The following STAG1 variants were observed in gnomAD, a reference collection of about 807,000 sequenced individuals.
STAG1 encodes the protein cohesin subunit SA-1.
STAG1 carries 26 observed loss-of-function variants against 170.9 expected under a neutral mutation model. That is an observed-to-expected ratio of 0.15 (90% CI 0.11 to 0.21). STAG1 has a LOEUF of 0.21. Among genes scored for constraint, STAG1 ranks in the 10% least tolerant of loss-of-function variants. The probability of loss-of-function intolerance (pLI) is 1.00; values close to 1 mark genes in which losing one functional copy is unlikely to be tolerated. For missense variants in STAG1, 964 were observed against 1,509.5 expected (o/e 0.64, Z 5.99); for synonymous variants, 514 against 497.7 (o/e 1.03, Z -0.44).
chr3:136,384,759 C>T (rs553291514), intron 22 of STAG1, among the ~76,000 whole-genome samples: 7 of 148,418 alleles, frequency 4.7e-5, no homozygotes, highest in African/African-American at 1.5e-4. Context: ...CAGAGTGAGA[C>T]TCCATTTCAA....
At chr3:136,402,759 G>A (rs555415877) in intron 21 of STAG1, among the ~76,000 whole-genome samples, 11 of 151,840 alleles carry the variant, frequency 7.2e-5, no homozygotes, top group East Asian at 5.9e-4. Context: ...CCCAGGAGGA[G>A]AAGGTTGCAG....
intron 1 of STAG1, among the ~76,000 whole-genome samples, chr3:136,706,989 G>C (rs1050314826): frequency 7.2e-5 from 11 of 152,188 alleles, no homozygotes; most frequent in Non-Finnish European, 1.3e-4. Flanking sequence ...TTGGGATAAT[G>C]TGATACCCAC....
chr3:136,639,929 ACTTCC>A (rs1193469343), intron 1 of STAG1, among the ~76,000 whole-genome samples: 1 of 152,176 alleles, frequency 6.6e-6, no homozygotes, highest in African/African-American at 2.4e-5. Flanking sequence ...ACTAAATGAA[ACTTCC>A]CATAAACACT....
intron 13 of STAG1, among the ~76,000 whole-genome samples, chr3:136,453,319 C>T (rs539593779): frequency 5.3e-4 from 80 of 152,162 alleles, no homozygotes; most frequent in Non-Finnish European, 3.4e-4. Flanking sequence ...TGGCCGGGCA[C>T]GGTGGCTCAC....
At chr3:136,505,448 T>C (rs534919647) in intron 7 of STAG1, among the ~76,000 whole-genome samples, 2 of 152,342 alleles carry the variant, frequency 1.3e-5, no homozygotes, top group South Asian at 2.1e-4. Context: ...TATAGCAATC[T>C]GACAATTTAA....
intron 3 of STAG1, among the ~76,000 whole-genome samples, 197 bp downstream of exon 3, chr3:136,622,949 C>T (rs550063673): frequency 4.9e-4 from 75 of 152,258 alleles, no homozygotes; most frequent in Non-Finnish European, 3.2e-4. Flanking sequence ...AGAAGGAGGG[C>T]AACAAAATCA....
In STAG1 at chr3:136,359,294, T is replaced by C. The variant is rs1418287653; in HGVS notation, c.2790A>G (p.Leu930=). 2.6e-6 allele frequency: 4 copies of C among 1,563,894 alleles called. No homozygotes were observed. Among genetic ancestry groups the C allele is most frequent in the African/African-American group, 1.4e-5 (1 of 72,890 alleles). ...AKTLILSLQQ[L]FNELVQEQGP... is the part of the protein sequence containing the mutation. The stretch of plus-strand genomic sequence containing the variant: ...CTTGCTCTTGAACAAGTTCATTAAA[T>C]AACTGATAGAAAGAAAAAAAGAAGA... The change falls in exon 27 of 34, where the codon TTA becomes TTG. Residue 930 remains leucine (L), a splice_region_variant and synonymous_variant. Transcript: ENST00000383202.
chr3:136,687,432 G>T (rs1004524607), intron 1 of STAG1, among the ~76,000 whole-genome samples: 1 of 151,728 alleles, frequency 6.6e-6, no homozygotes, highest in African/African-American at 2.4e-5. Flanking sequence ...TACATAATTT[G>T]AATTTAATTT....
chr3:136,479,546 ATG>A (rs2089867519), intron 9 of STAG1, among the ~76,000 whole-genome samples: 1 of 63,808 alleles, frequency 1.6e-5, no homozygotes, highest in Non-Finnish European at 3.5e-5. Flanking sequence ...ATACGTGTGC[ATG>A]TGTCTTTATA....
intron 26 of STAG1, among the ~76,000 whole-genome samples, chr3:136,360,949 G>GT (rs1322128569): frequency 4.9e-4 from 74 of 152,176 alleles, no homozygotes; most frequent in Non-Finnish European, 3.2e-4. Context: ...ATTACAGGCT[G>GT]TTTATAAATT....
intron 6 of STAG1, among the ~76,000 whole-genome samples, chr3:136,539,126 T>A (rs1452332384): frequency 6.7e-6 from 1 of 148,888 alleles, no homozygotes; most frequent in Non-Finnish European, 1.5e-5. Context: ...AGAGCCAGAC[T>A]CCGTCTCAAA....
chr3:136,568,476 A>G (rs951295693), intron 5 of STAG1, among the ~76,000 whole-genome samples: 6 of 152,174 alleles, frequency 3.9e-5, no homozygotes, highest in Non-Finnish European at 7.4e-5. Context: ...AAAAATTATA[A>G]AAGCCTATGA....
chr3:136,464,473 A>G (rs2089393427), intron 13 of STAG1, among the ~76,000 whole-genome samples: 1 of 152,136 alleles, frequency 6.6e-6, no homozygotes, highest in South Asian at 2.1e-4. Flanking sequence ...AGAATGAAAA[A>G]AAATGAAAAT....
At chr3:136,499,401 A>G (rs2107861493) in intron 9 of STAG1, among the ~76,000 whole-genome samples, 1 of 152,158 alleles carries the variant, frequency 6.6e-6, no homozygotes, top group Admixed American at 6.6e-5. Context: ...GCCTCAAGTG[A>G]TCCTCCCACC....
intron 32 of STAG1, among the ~76,000 whole-genome samples, chr3:136,339,875 G>A (rs1304994650): frequency 6.6e-6 from 1 of 152,018 alleles, no homozygotes. Flanking sequence ...TCCCATATTC[G>A]GCATTTTGTT....
intron 1 of STAG1, among the ~76,000 whole-genome samples, chr3:136,658,040 AG>A (rs1404697020): frequency 2.0e-5 from 3 of 152,002 alleles, no homozygotes; most frequent in East Asian, 1.9e-4. Context: ...AAACAAAATG[AG>A]GCTGGGTGCA....
chr3:136,618,427 G>C (rs1193561318), intron 3 of STAG1, among the ~76,000 whole-genome samples: 1 of 152,138 alleles, frequency 6.6e-6, no homozygotes, highest in East Asian at 1.9e-4. Context: ...ACCTTGCCTT[G>C]CTGAGAATTA....
At chr3:136,386,094 T>A (rs2086867275) in intron 22 of STAG1, among the ~76,000 whole-genome samples, 2 of 152,136 alleles carry the variant, frequency 1.3e-5, no homozygotes, top group African/African-American at 4.8e-5. Flanking sequence ...TCCCAGCACT[T>A]TGGGAGGCCG....
chr3:136,536,715 A>AC (rs1314649743), intron 6 of STAG1, among the ~76,000 whole-genome samples: 3 of 150,748 alleles, frequency 2.0e-5, no homozygotes, highest in South Asian at 2.1e-4. Context: ...AAAAAAAAAA[A>AC]AAAAAAAAAA....
Sources: allele counts gnomAD v4.1 joint callset (sites outside exome capture counted in the v4.1 genomes callset), GRCh38; gene constraint gnomAD v4.1.1; transcripts MANE v1.5; gene names NCBI Gene and HGNC (gene_info 2026-07-23, HGNC 2026-07-21).